Variants in CSMD1 observed in about 807,000 individuals in gnomAD.
The protein encoded by CSMD1 is CUB and Sushi multiple domains 1.
CSMD1 carries 213 observed loss-of-function variants against 417.5 expected under a neutral mutation model. That is an observed-to-expected ratio of 0.51 (90% confidence interval 0.46 to 0.57). The LOEUF (loss-of-function observed/expected upper bound fraction) is 0.57, where lower values mean the gene tolerates loss of function less well. CSMD1 is among the 20% of genes least tolerant of loss of function. The probability of loss-of-function intolerance (pLI) is 0.00; values close to 1 mark genes in which losing one functional copy is unlikely to be tolerated. For synonymous variants in CSMD1, 2,862 were observed against 1,736.8 expected (o/e 1.65, Z -16.11); for missense variants, 6,923 against 4,529.7 (o/e 1.53, Z -15.17).
intron 23 of CSMD1, among the ~76,000 whole-genome samples, chr8:3,317,059 A>G (rs565932089): frequency 9.7e-4 from 148 of 152,284 alleles, no homozygotes; most frequent in African/African-American, 3.5e-3. Flanking sequence ...GAGTGGACAC[A>G]GAAGACTCAG....
At chr8:4,677,594 T>G (rs1381361272) in intron 1 of CSMD1, among the ~76,000 whole-genome samples, 1 of 152,218 alleles carries the variant, frequency 6.6e-6, no homozygotes, top group Non-Finnish European at 1.5e-5. Context: ...AAGTAATTTT[T>G]CTTTATAGCA....
chr8:3,674,342 T>C (rs1799256075), intron 7 of CSMD1, among the ~76,000 whole-genome samples: 2 of 152,116 alleles, frequency 1.3e-5, no homozygotes, highest in Admixed American at 1.3e-4. Context: ...TATCCTATAA[T>C]CTGAAGATTA....
intron 2 of CSMD1, among the ~76,000 whole-genome samples, chr8:4,563,469 G>A (rs1198254495): frequency 6.6e-6 from 1 of 151,834 alleles, no homozygotes; most frequent in East Asian, 1.9e-4. Flanking sequence ...ACAATGCCAA[G>A]GCACAGGCTC....
chr8:3,723,847 T>C (rs1473590412), intron 6 of CSMD1, among the ~76,000 whole-genome samples: 2 of 152,190 alleles, frequency 1.3e-5, no homozygotes, highest in Admixed American at 6.5e-5. Flanking sequence ...AAAAATTTCA[T>C]TCAAAATGCA....
At position 3,315,460 on chromosome 8, in the gene CSMD1, G is replaced by GTGTGTGTGTGTGTGTGTGTGTT. The variant is rs370216684; in HGVS notation, c.3632-6958_3632-6957insAACACACACACACACACACACA. 8.0e-4 allele frequency among the ~76,000 whole-genome samples: 121 copies of GTGTGTGTGTGTGTGTGTGTGTT among 151,586 alleles called. 1 individual carries two copies. The highest frequency in any genetic ancestry group is 1.4e-3 in the East Asian group (7 of 5,172). ...TGAGTGTGTGTGTGTGTGTGTGTGTGTGATTTTTAAACTATCTTTTAAATT... is the reference window on the plus strand; with the variant it reads ...TGAGTGTGTGTGTGTGTGTGTGTGTGTGTGTGTGTGTGTGTGTGTGTTTGATTTTTAAACTATCTTTTAAATT... On this transcript the variant is annotated intron_variant, in intron 23 of 69. Coordinates refer to ENST00000635120, the MANE Select transcript of CSMD1 (RefSeq NM_033225.6).
intron 65 of CSMD1, among the ~76,000 whole-genome samples, chr8:2,952,286 T>G (rs991598582): frequency 1.3e-5 from 2 of 152,148 alleles, no homozygotes; most frequent in African/African-American, 4.8e-5. Flanking sequence ...CCTAACCCAT[T>G]TTTTAAAAAG....
chr8:4,032,977 G>A (rs938219414), intron 3 of CSMD1, among the ~76,000 whole-genome samples: 1 of 151,974 alleles, frequency 6.6e-6, no homozygotes, highest in Non-Finnish European at 1.5e-5. Flanking sequence ...ACGAAACACT[G>A]ACAATCTGTT....
chr8:4,617,602 G>C (rs183279545), intron 2 of CSMD1, among the ~76,000 whole-genome samples: 4 of 152,096 alleles, frequency 2.6e-5, no homozygotes, highest in African/African-American at 2.4e-5. Context: ...AGAAGCACCT[G>C]GTTATAAAGT....
At chr8:3,925,984 A>G (rs1020857437) in intron 5 of CSMD1, among the ~76,000 whole-genome samples, 6 of 150,168 alleles carry the variant, frequency 4.0e-5, no homozygotes, top group African/African-American at 1.5e-4. Context: ...CACCCAATTT[A>G]CCCTATGAAA....
At chr8:3,828,127 C>G (rs955856181) in intron 5 of CSMD1, among the ~76,000 whole-genome samples, 13 of 152,138 alleles carry the variant, frequency 8.5e-5, no homozygotes, top group African/African-American at 3.1e-4. Flanking sequence ...ATGGCAGAAC[C>G]TGGGAACATC....
At chr8:4,443,078 G>A (rs893428143) in intron 2 of CSMD1, among the ~76,000 whole-genome samples, 1 of 152,146 alleles carries the variant, frequency 6.6e-6, no homozygotes, top group African/African-American at 2.4e-5. Flanking sequence ...GTCAGAGGTG[G>A]TATCTGCCTT....
At chr8:4,013,055 GTTC>G (rs2130447733) in intron 4 of CSMD1, among the ~76,000 whole-genome samples, 1 of 152,200 alleles carries the variant, frequency 6.6e-6, no homozygotes, top group South Asian at 2.1e-4. Flanking sequence ...CTCAGCTTAT[GTTC>G]TTTTCTCATA....
At chr8:4,462,576 A>C (rs565501423) in intron 2 of CSMD1, among the ~76,000 whole-genome samples, 1 of 152,122 alleles carries the variant, frequency 6.6e-6, no homozygotes, top group Non-Finnish European at 1.5e-5. Flanking sequence ...ATTCATACCT[A>C]CCTGATTCAG....
chr8:4,807,722 T>G (rs1798672547), intron 1 of CSMD1, among the ~76,000 whole-genome samples: 1 of 152,178 alleles, frequency 6.6e-6, no homozygotes, highest in South Asian at 2.1e-4. Context: ...TGAATAAAAA[T>G]ACTACCTGTA....
chr8:3,644,374 C>T (rs921903683), intron 7 of CSMD1, among the ~76,000 whole-genome samples: 6 of 152,152 alleles, frequency 3.9e-5, no homozygotes, highest in Admixed American at 3.3e-4. Flanking sequence ...TCAGCAGGTG[C>T]GAGTGAGACC....
At chr8:4,856,911 T>C (rs200917728) in intron 1 of CSMD1, among the ~76,000 whole-genome samples, 4 of 152,048 alleles carry the variant, frequency 2.6e-5, no homozygotes, top group African/African-American at 9.7e-5. Flanking sequence ...CTGAACCAAG[T>C]GGACCTAATA....
At chr8:4,654,202 G>A (rs976113817) in intron 1 of CSMD1, among the ~76,000 whole-genome samples, 2 of 152,028 alleles carry the variant, frequency 1.3e-5, no homozygotes, top group African/African-American at 4.8e-5. Context: ...GAGTAGTCTG[G>A]ATCTAGTAAT....
intron 5 of CSMD1, among the ~76,000 whole-genome samples, chr8:3,899,652 T>A (rs1172470894): frequency 6.6e-6 from 1 of 152,218 alleles, no homozygotes; most frequent in African/African-American, 2.4e-5. Context: ...GCTGAGAAAC[T>A]AGACAAGAAG....
rs531001899 is a variant in CSMD1, at chr8:4,314,817, G to A, written c.415+105136C>T. Among the ~76,000 whole-genome samples, 7 of 152,296 alleles carry A rather than the reference G, an allele frequency of 4.6e-5. No homozygotes were observed. In the East Asian group the frequency reaches 1.4e-3, roughly 29 times the overall value. ...TTTATGAATAAAGACCACAGGAAAAGGGCAAAGGATTTTGTAAGAGGAGGG... is the reference window on the plus strand; with the variant it reads ...TTTATGAATAAAGACCACAGGAAAAAGGCAAAGGATTTTGTAAGAGGAGGG... On this transcript the variant is annotated intron_variant, in intron 3 of 69. Coordinates refer to ENST00000635120, the MANE Select transcript of CSMD1 (RefSeq NM_033225.6).
Sources: allele counts gnomAD v4.1 joint callset (sites outside exome capture counted in the v4.1 genomes callset), GRCh38; gene constraint gnomAD v4.1.1; transcripts MANE v1.5; gene names NCBI Gene and HGNC (gene_info 2026-07-23, HGNC 2026-07-21).